Variants in WIPF3 observed in about 807,000 individuals in gnomAD.
WIPF3 encodes WAS/WASL interacting protein family member 3, also known as WAS/WASL-interacting protein family member 3.
WIPF3 carries 33 observed loss-of-function variants against 38.9 expected under a neutral mutation model. That is an observed-to-expected ratio of 0.85 (90% CI 0.64 to 1.14). The LOEUF is 1.14. WIPF3 is among the 50% of genes most tolerant of loss of function. WIPF3 has a pLI of 0.00. For synonymous variants in WIPF3, 324 were observed against 269.3 expected (o/e 1.20, Z -1.99); for missense variants, 711 against 652.5 (o/e 1.09, Z -0.98).
chr7:29,884,264 T>TGCCC lies in WIPF3; in HGVS notation c.770_771insGCCC (p.Ile260AlafsTer59). The TGCCC allele has an allele frequency of 3.0e-6, 4 of 1,315,274 alleles. No individual in the cohort carries two copies. Among genetic ancestry groups the TGCCC allele is most frequent in the African/African-American group, 2.1e-5 (1 of 48,558 alleles). The allele number at this position is 1,315,274 out of a possible 1,614,324, so 81.5% of individuals were successfully genotyped here. A position where few individuals can be genotyped will look rare whatever the true frequency, so the allele number is the denominator to read the frequency against. On this transcript the variant is annotated frameshift_variant, in exon 5 of 9. Coordinates refer to ENST00000242140, the MANE Select transcript of WIPF3 (RefSeq NM_001080529.3). LOFTEE classifies it high-confidence loss of function. ...AAGCCTCAGCTGGCTCCCTTGCACC[T>TGCCC]CCCGCCCATCCCGCCCCCGCTCCCT...
At chr7:29,892,492 G>T (rs184777689) in intron 7 of WIPF3, among the ~76,000 whole-genome samples, 1 of 152,272 alleles carries the variant, frequency 6.6e-6, no homozygotes, top group African/African-American at 2.4e-5. Context: ...TTCCAGGGCC[G>T]TCATGGACCC....
chr7:29,813,502 A>G (rs1784412482), intron 1 of WIPF3, among the ~76,000 whole-genome samples: 1 of 152,184 alleles, frequency 6.6e-6, no homozygotes, highest in African/African-American at 2.4e-5. Flanking sequence ...CCTGGCTCAG[A>G]CATTTCTTTC....
chr7:29,853,125 A>G (rs1785130647), intron 2 of WIPF3, among the ~76,000 whole-genome samples: 1 of 152,194 alleles, frequency 6.6e-6, no homozygotes, highest in Admixed American at 6.5e-5. Context: ...GAGGAAAACC[A>G]GTAATGGGTG....
intron 4 of WIPF3, 60 bp from the exon 5 acceptor site, chr7:29,883,790 C>T: frequency 6.7e-7 from 1 of 1,503,686 alleles, no homozygotes. Flanking sequence ...GTGCCGCCTA[C>T]CTGCGGGGGC....
chr7:29,813,935 T>TC (rs1482669588), intron 1 of WIPF3, among the ~76,000 whole-genome samples: 1 of 151,978 alleles, frequency 6.6e-6, no homozygotes, highest in East Asian at 1.9e-4. Context: ...TTTTTTTTTT[T>TC]TTTGAGACAG....
intron 1 of WIPF3, among the ~76,000 whole-genome samples, chr7:29,810,597 A>G (rs1205450786): frequency 6.6e-6 from 1 of 152,224 alleles, no homozygotes; most frequent in Non-Finnish European, 1.5e-5. Context: ...CCTTTTGTTA[A>G]TATGGCTCCA....
chr7:29,819,211 T>C (rs1353462548), intron 1 of WIPF3, among the ~76,000 whole-genome samples: 1 of 152,178 alleles, frequency 6.6e-6, no homozygotes, highest in African/African-American at 2.4e-5. Flanking sequence ...TTCTTCTCTT[T>C]AGATGTTCTC....
intron 7 of WIPF3, among the ~76,000 whole-genome samples, chr7:29,902,493 T>C (rs1370060462): frequency 6.6e-6 from 1 of 152,124 alleles, no homozygotes; most frequent in Non-Finnish European, 1.5e-5. Context: ...CCTTAAAAGG[T>C]TTTTATAATG....
chr7:29,912,929 G>A (rs1299309288), intron 8 of WIPF3, among the ~76,000 whole-genome samples: 1 of 152,100 alleles, frequency 6.6e-6, no homozygotes, highest in Non-Finnish European at 1.5e-5. Flanking sequence ...AAATTGAGAG[G>A]TATTGTTTAA....
intron 1 of WIPF3, among the ~76,000 whole-genome samples, chr7:29,815,432 G>A (rs929650868): frequency 1.3e-5 from 2 of 152,182 alleles, no homozygotes; most frequent in African/African-American, 4.8e-5. Flanking sequence ...CAGGGTTTAT[G>A]CCTTTTGTTG....
chr7:29,902,317 TA>T (rs1369625427), intron 7 of WIPF3, among the ~76,000 whole-genome samples: 1 of 145,446 alleles, frequency 6.9e-6, no homozygotes, highest in Admixed American at 7.1e-5. Context: ...ATAAACTAGC[TA>T]AAAATCTAGC....
intron 2 of WIPF3, among the ~76,000 whole-genome samples, chr7:29,872,798 CAA>C (rs61693654): frequency 1.6e-4 from 5 of 31,042 alleles, no homozygotes; most frequent in Non-Finnish European, 2.1e-4. Context: ...GACTCCATCT[CAA>C]AAAAAAAAAA....
intron 6 of WIPF3, among the ~76,000 whole-genome samples, chr7:29,888,584 A>C (rs1377864159): frequency 6.6e-6 from 1 of 152,004 alleles, no homozygotes; most frequent in Non-Finnish European, 1.5e-5. Context: ...GATATGGATA[A>C]GGAGAAAGAT....
In WIPF3 at chr7:29,884,597, A is replaced by G. The variant is rs1292164279; in HGVS notation, c.1099+4A>G. The G allele has an allele frequency of 6.2e-7, 1 of 1,603,570 alleles. No homozygotes were observed. The highest frequency in any genetic ancestry group is 8.5e-7 in the Non-Finnish European group (1 of 1,176,424). On this transcript the variant is annotated splice_donor_region_variant and intron_variant, in intron 5 of 8. Transcript: ENST00000242140. ...AAGAAGAGGCATGGCCGACCAGGTA[A>G]GGAGCGCTGCCTGGCCCAGTGCCCC...
chr7:29,843,097 A>G (rs1784940522), intron 2 of WIPF3, among the ~76,000 whole-genome samples: 2 of 152,348 alleles, frequency 1.3e-5, no homozygotes, highest in East Asian at 1.9e-4. Flanking sequence ...TCTTTAAGCA[A>G]TTCTAAAAAC....
At chr7:29,859,204 A>C (rs1357471953) in intron 2 of WIPF3, among the ~76,000 whole-genome samples, 1 of 152,238 alleles carries the variant, frequency 6.6e-6, no homozygotes, top group Non-Finnish European at 1.5e-5. Context: ...CAAGGCGAAG[A>C]ATTCGTTCCA....
intron 6 of WIPF3, among the ~76,000 whole-genome samples, 170 bp downstream of exon 6, chr7:29,888,387 G>T (rs1026765636): frequency 1.3e-5 from 2 of 152,114 alleles, no homozygotes; most frequent in African/African-American, 4.8e-5. Flanking sequence ...GTTAAATAGG[G>T]TTCCTTTCAA....
intron 6 of WIPF3, among the ~76,000 whole-genome samples, chr7:29,888,510 C>CGCGTGT (rs1320445535): frequency 2.7e-5 from 4 of 147,810 alleles, no homozygotes; most frequent in Non-Finnish European, 6.0e-5. Flanking sequence ...CGTGTGTGTG[C>CGCGTGT]GTGTGTGTGT....
chr7:29,909,695 G>C (rs551630404), intron 8 of WIPF3, among the ~76,000 whole-genome samples: 1 of 152,106 alleles, frequency 6.6e-6, no homozygotes. Context: ...CCAGGAGTCT[G>C]AGCCAGCCTA....
Sources: allele counts gnomAD v4.1 joint callset (sites outside exome capture counted in the v4.1 genomes callset), GRCh38; gene constraint gnomAD v4.1.1; transcripts MANE v1.5; gene names NCBI Gene and HGNC (gene_info 2026-07-23, HGNC 2026-07-21).